NDST4: variants seen among roughly 807,000 people sequenced by gnomAD.
NDST4 encodes the protein N-deacetylase and N-sulfotransferase 4.
Under a neutral mutation model 100.8 loss-of-function variants are expected in NDST4, and 63 were observed. The observed-to-expected ratio is 0.62, with a 90% confidence interval of 0.51 to 0.77. The LOEUF (loss-of-function observed/expected upper bound fraction) is 0.77. NDST4 is among the 30% of genes least tolerant of loss of function. The pLI is 0.00. For synonymous variants in NDST4, 377 were observed against 361.8 expected, an observed-to-expected ratio of 1.04 and a Z score of -0.48; for missense variants, 943 against 1,018.4, an observed-to-expected ratio of 0.93 and a Z score of 1.01.
intron 2 of NDST4, among the ~76,000 whole-genome samples, chr4:114,990,379 T>G (rs182034130): frequency 2.2e-4 from 34 of 152,240 alleles, no homozygotes; most frequent in Admixed American, 4.6e-4. Context: ...TATTCAAATT[T>G]ATGGATACAA....
chr4:115,046,037 T>C (rs992150500), intron 2 of NDST4, among the ~76,000 whole-genome samples: 2 of 152,146 alleles, frequency 1.3e-5, no homozygotes, highest in African/African-American at 4.8e-5. Context: ...TCGCCTTCTC[T>C]GATGAGTCAC....
intron 3 of NDST4, among the ~76,000 whole-genome samples, chr4:114,976,098 A>G (rs1726628208): frequency 6.6e-6 from 1 of 152,128 alleles, no homozygotes. Context: ...CCAATAAGAC[A>G]TTGTTATTTC....
chr4:114,965,159 A>G (rs1726353061), intron 4 of NDST4, among the ~76,000 whole-genome samples: 1 of 152,082 alleles, frequency 6.6e-6, no homozygotes, highest in Non-Finnish European at 1.5e-5. Flanking sequence ...AATACCCTAT[A>G]AGTTATTATC....
Position 115,076,703 on chromosome 4 carries a change from G to T in NDST4, c.334C>A (p.Pro112Thr). The change falls in exon 2 of 14, where the codon CCT (proline) becomes ACT (threonine). Residue 112 changes from proline (P) to threonine (T), a missense_variant. Coordinates refer to ENST00000264363, the MANE Select transcript of NDST4 (RefSeq NM_022569.3). ...SRFQYHMVIA[P>T]GKGDIPPLTD... ...AGAGGAGGTATATCTCCCTTTCCAG[G>T]GGCAATAACCATGTGGTACTGAAAT... 1 of 1,613,836 alleles carries T rather than the reference G, an allele frequency of 6.2e-7. No homozygotes were observed. Among genetic ancestry groups the T allele is most frequent in the Non-Finnish European group, 8.5e-7 (1 of 1,179,906 alleles).
chr4:114,953,159 A>C (rs764224138), intron 4 of NDST4, among the ~76,000 whole-genome samples: 1 of 151,668 alleles, frequency 6.6e-6, no homozygotes, highest in Non-Finnish European at 1.5e-5. Flanking sequence ...GTGACTATGC[A>C]CAAGTCACAT....
At chr4:115,080,733 G>A (rs1481244686) in intron 1 of NDST4, among the ~76,000 whole-genome samples, 1 of 151,498 alleles carries the variant, frequency 6.6e-6, no homozygotes, top group East Asian at 1.9e-4. Flanking sequence ...AAAGATATTT[G>A]GAACTTGTCG....
intron 6 of NDST4, among the ~76,000 whole-genome samples, chr4:114,915,948 A>G (rs1725159564): frequency 6.6e-6 from 1 of 152,094 alleles, no homozygotes; most frequent in Non-Finnish European, 1.5e-5. Context: ...CTCATTTGTT[A>G]CACAGTTTTA....
intron 2 of NDST4, among the ~76,000 whole-genome samples, chr4:115,039,324 G>A (rs568012912): frequency 6.6e-6 from 1 of 152,156 alleles, no homozygotes; most frequent in South Asian, 2.1e-4. Flanking sequence ...AGGTTTTTAT[G>A]TATTTCTTTT....
At chr4:115,100,802 C>T (rs959433899) in intron 1 of NDST4, among the ~76,000 whole-genome samples, 1 of 53,562 alleles carries the variant, frequency 1.9e-5, no homozygotes, top group East Asian at 4.3e-4. Context: ...AAATGCTTCA[C>T]TCCTTTTTTT....
At chr4:115,057,267 T>A (rs1728715232) in intron 2 of NDST4, among the ~76,000 whole-genome samples, 1 of 152,064 alleles carries the variant, frequency 6.6e-6, no homozygotes, top group African/African-American at 2.4e-5. Flanking sequence ...AGGTTTTGAA[T>A]TTTCCTTGGT....
intron 1 of NDST4, among the ~76,000 whole-genome samples, chr4:115,082,214 C>G (rs1729319341): frequency 6.6e-6 from 1 of 152,142 alleles, no homozygotes; most frequent in Non-Finnish European, 1.5e-5. Context: ...ATCTTTGACT[C>G]TCTTTCAAGA....
intron 2 of NDST4, among the ~76,000 whole-genome samples, chr4:115,012,184 C>T (rs1159520738): frequency 6.6e-6 from 1 of 151,870 alleles, no homozygotes; most frequent in African/African-American, 2.4e-5. Context: ...CATCATAAAA[C>T]AAATGATAAT....
chr4:114,894,783 T>A (rs991344224), intron 6 of NDST4, among the ~76,000 whole-genome samples: 3 of 152,118 alleles, frequency 2.0e-5, no homozygotes, highest in Non-Finnish European at 4.4e-5. Context: ...CTATGTTAAA[T>A]AGGAGTGGTG....
At chr4:114,867,665 C>CAAAAAAAAAAAAAAAAAAAAAAAA in intron 7 of NDST4, among the ~76,000 whole-genome samples, 98 of 79,848 alleles carry the variant, frequency 1.2e-3, no homozygotes, top group Non-Finnish European at 1.5e-3. Context: ...AAAAAAAAAG[C>CAAAAAAAAAAAAAAAAAAAAAAAA]AAAAAAAAAA....
intron 2 of NDST4, among the ~76,000 whole-genome samples, chr4:115,036,428 T>A (rs1480785128): frequency 2.0e-5 from 3 of 151,160 alleles, no homozygotes; most frequent in Admixed American, 2.0e-4. Flanking sequence ...TGTGCATATA[T>A]GTATATGTTA....
rs180695290 is a variant in NDST4, at chr4:115,036,363, T to C, written c.978+39696A>G. Among the ~76,000 whole-genome samples, 600 of 150,356 alleles carry C rather than the reference T, an allele frequency of 4.0e-3. 2 individuals carry two copies. The highest frequency in any genetic ancestry group is 0.014 in the African/African-American group (574 of 41,310). ...ATTAATATGGGGATTTAATTTTTAA[T>C]ATAAATTTAATATAAACTATATATT... On this transcript the variant is annotated intron_variant, in intron 2 of 13. Transcript: ENST00000264363.
chr4:115,101,009 T>C (rs1729719402), intron 1 of NDST4, among the ~76,000 whole-genome samples: 1 of 152,040 alleles, frequency 6.6e-6, no homozygotes, highest in African/African-American at 2.4e-5. Flanking sequence ...TAAATAGAAG[T>C]GTCATGATTT....
chr4:115,013,079 GGGGAAA>G (rs1727590483), intron 2 of NDST4, among the ~76,000 whole-genome samples: 3 of 150,846 alleles, frequency 2.0e-5, no homozygotes, highest in African/African-American at 7.3e-5. Context: ...GTGGGGGTAG[GGGGAAA>G]GTGGGGATGC....
At chr4:114,843,588 T>C (rs1023490174) in intron 10 of NDST4, among the ~76,000 whole-genome samples, 3 of 152,302 alleles carry the variant, frequency 2.0e-5, no homozygotes, top group African/African-American at 4.8e-5. Flanking sequence ...TTGCTCTTTT[T>C]TACTGTCTTG....
Sources: allele counts gnomAD v4.1 joint callset (sites outside exome capture counted in the v4.1 genomes callset), GRCh38; gene constraint gnomAD v4.1.1; transcripts MANE v1.5; gene names NCBI Gene and HGNC (gene_info 2026-07-23, HGNC 2026-07-21).